DOCK8: variants seen among roughly 807,000 people sequenced by gnomAD.
DOCK8 encodes the protein dedicator of cytokinesis 8.
DOCK8 carries 141 observed loss-of-function variants against 245.6 expected under a neutral mutation model. The observed-to-expected ratio is 0.57, with a 90% CI of 0.50 to 0.66. DOCK8 has a LOEUF of 0.66. DOCK8 is among the 30% of genes least tolerant of loss of function. The probability of loss-of-function intolerance (pLI) is 0.00; values close to 1 mark genes in which losing one functional copy is unlikely to be tolerated. For missense variants in DOCK8, 2,965 were observed against 2,603.4 expected (o/e 1.14, Z -3.02); for synonymous variants, 1,168 against 970.2 (o/e 1.20, Z -3.79).
At chr9:427,085 A>C in intron 34 of DOCK8, 104 bp downstream of exon 34, 1 of 961,160 alleles carries the variant, frequency 1.0e-6, no homozygotes, top group Admixed American at 2.0e-5. Flanking sequence ...GTGATCCCAT[A>C]GTACCTTTTT....
intron 1 of DOCK8, among the ~76,000 whole-genome samples, chr9:257,427 T>G (rs2484951): frequency 0.48 from 73,126 of 152,070 alleles, 18,013 homozygotes; most frequent in East Asian, 0.8. Context: ...GCTGGAATTT[T>G]TCTGCCAGCA....
intron 2 of DOCK8, among the ~76,000 whole-genome samples, chr9:281,085 C>G (rs2048562520): frequency 6.6e-6 from 1 of 152,158 alleles, no homozygotes; most frequent in African/African-American, 2.4e-5. Context: ...GGAACCCCGT[C>G]TCCACTAAAA....
chr9:406,819 C>T, intron 27 of DOCK8, 111 bp from the exon 28 acceptor site: 5 of 1,411,252 alleles, frequency 3.5e-6, no homozygotes, highest in Non-Finnish European at 4.0e-6. Flanking sequence ...ACCTACCTCA[C>T]TGGGGAGGGC....
intron 45 of DOCK8, among the ~76,000 whole-genome samples, chr9:450,476 C>A (rs1409501393): frequency 2.6e-5 from 4 of 152,128 alleles, no homozygotes; most frequent in African/African-American, 4.8e-5. Context: ...ACGCTGACTC[C>A]CAAGTTCAGC....
chr9:437,620 T>C (rs1044209831), intron 39 of DOCK8, among the ~76,000 whole-genome samples: 2 of 152,340 alleles, frequency 1.3e-5, no homozygotes, highest in South Asian at 2.1e-4. Context: ...AGTGTTGATT[T>C]TGCAAATGCT....
chr9:237,115 A>T lies in DOCK8; in HGVS notation c.53+22086A>T, dbSNP rs375495022. ...TGCCACAAAAGCCCAGTCACAAAGA[A>T]AAAGCCATTACCAAAATGTTCCATA... On this transcript the variant is annotated intron_variant, in intron 1 of 47. Coordinates refer to ENST00000432829, the MANE Select transcript of DOCK8 (RefSeq NM_203447.4). Among the ~76,000 whole-genome samples, 4 of 152,256 alleles carry T rather than the reference A, an allele frequency of 2.6e-5. No homozygotes were observed. In the East Asian group the frequency reaches 7.7e-4, roughly 29 times the overall value.
At chr9:433,786 C>T in intron 37 of DOCK8, 89 bp from the exon 38 acceptor site, 1 of 1,108,554 alleles carries the variant, frequency 9.0e-7, no homozygotes, top group Admixed American at 1.7e-5. Context: ...CAACCCTTCC[C>T]ATGGCTTCCC....
At position 329,018 on chromosome 9, in the gene DOCK8, C is replaced by T. The variant is rs185465472; in HGVS notation, c.1044+847C>T. ...AGGCTGGAGTGCAGTGTCACCATGT[C>T]GGCTCACTGCAACCTCCACCTCCCG... On this transcript the variant is annotated intron_variant, in intron 9 of 47. Coordinates refer to ENST00000432829, the MANE Select transcript of DOCK8 (RefSeq NM_203447.4). Among the ~76,000 whole-genome samples, 19 of 127,340 alleles carry T rather than the reference C, an allele frequency of 1.5e-4. No homozygotes were observed. In the East Asian group the frequency reaches 1.8e-3, roughly 12 times the overall value. The allele number at this position is 127,340 out of a possible 152,430, so 83.5% of individuals were successfully genotyped here.
chr9:337,130 G>A lies in DOCK8; in HGVS notation c.1422+412G>A, dbSNP rs972327406. 6.6e-5 allele frequency among the ~76,000 whole-genome samples: 10 copies of A among 152,114 alleles called. 1 individual carries two copies. The highest frequency in any genetic ancestry group is 5.9e-4 in the Admixed American group (9 of 15,270). On this transcript the variant is annotated intron_variant, in intron 12 of 47. Transcript: ENST00000432829. ...GGATTAATCCAGTCATGAGGGCAGA[G>A]TCCTCATGATTCAATCACGTCTTAA...
At chr9:297,840 C>T (rs562403927) in intron 4 of DOCK8, among the ~76,000 whole-genome samples, 1 of 152,322 alleles carries the variant, frequency 6.6e-6, no homozygotes, top group African/African-American at 2.4e-5. Context: ...AAAGTTTGCT[C>T]TGGTTTCAAA....
chr9:389,812 T>G (rs1025070181), intron 23 of DOCK8, among the ~76,000 whole-genome samples: 4 of 151,778 alleles, frequency 2.6e-5, no homozygotes, highest in Non-Finnish European at 4.4e-5. Context: ...GCTCAGGAGT[T>G]TGAGACTAAG....
At chr9:456,223 G>C (rs908675763) in intron 46 of DOCK8, 1 of 152,194 alleles carries the variant, frequency 6.6e-6, no homozygotes, top group Non-Finnish European at 1.5e-5. Flanking sequence ...TAGTAGATGA[G>C]GTTCCTCTGT....
At chr9:347,438 C>G (rs1428772064) in intron 14 of DOCK8, among the ~76,000 whole-genome samples, 1 of 152,006 alleles carries the variant, frequency 6.6e-6, no homozygotes, top group Non-Finnish European at 1.5e-5. Context: ...CCAGGAAGGT[C>G]GAGGCTACAG....
Position 286,566 on chromosome 9 carries a change from G to A in DOCK8, c.262G>A (p.Asp88Asn). The A allele has an allele frequency of 6.2e-7, 1 of 1,614,028 alleles. No homozygotes were observed. The highest frequency in any genetic ancestry group is 8.5e-7 in the Non-Finnish European group (1 of 1,179,946). Residue 88 changes from aspartate to asparagine, a missense_variant, in exon 3 of 48, where the codon GAT becomes AAT. Physicochemically the swap from Asp to Asn is conservative, Grantham distance 23. Transcript: ENST00000432829. ...TGCCCAGGAGCTCGGGGACTTCACT[G>A]ATGACGACTTGGACGTGGTGTTCAC... ...QLAQELGDFTDDDLDVVFTPK... is the reference protein window; with the variant it reads ...QLAQELGDFTNDDLDVVFTPK...
intron 1 of DOCK8, among the ~76,000 whole-genome samples, chr9:261,644 CTG>C (rs2047920473): frequency 6.6e-6 from 1 of 152,072 alleles, no homozygotes; most frequent in African/African-American, 2.4e-5. Context: ...TGTTCAAGCT[CTG>C]TGTATCTCTG....
At chr9:265,393 T>C (rs761156499) in intron 1 of DOCK8, among the ~76,000 whole-genome samples, 9 of 152,246 alleles carry the variant, frequency 5.9e-5, no homozygotes, top group Non-Finnish European at 1.0e-4. Context: ...CTGTGTGTTG[T>C]GGTTGCATGC....
At chr9:409,689 G>A (rs1041249808) in intron 28 of DOCK8, among the ~76,000 whole-genome samples, 2 of 151,708 alleles carry the variant, frequency 1.3e-5, no homozygotes, top group Non-Finnish European at 2.9e-5. Flanking sequence ...CCATTAACTC[G>A]TCATTTACAT....
chr9:453,500 C>T (rs767104718), intron 46 of DOCK8, among the ~76,000 whole-genome samples: 16 of 152,156 alleles, frequency 1.1e-4, no homozygotes, highest in Admixed American at 2.0e-4. Context: ...AATCTCAGCT[C>T]ACTGCAACCT....
chr9:223,919 A>G (rs546865395), intron 1 of DOCK8, among the ~76,000 whole-genome samples: 2 of 152,190 alleles, frequency 1.3e-5, no homozygotes. Context: ...ATCCATAAAC[A>G]ATATATGGTA....
Sources: allele counts gnomAD v4.1 joint callset (sites outside exome capture counted in the v4.1 genomes callset), GRCh38; gene constraint gnomAD v4.1.1; transcripts MANE v1.5; gene names NCBI Gene and HGNC (gene_info 2026-07-23, HGNC 2026-07-21).